Variants in SDK1 observed in about 807,000 individuals in gnomAD.
The protein encoded by SDK1 is protein sidekick-1.
Under a neutral mutation model 245.5 loss-of-function variants are expected in SDK1, and 157 were observed. The ratio of observed to expected loss-of-function variants is 0.64; its 90% CI spans 0.56 to 0.73. The LOEUF (loss-of-function observed/expected upper bound fraction) is 0.73. Ranked by LOEUF, SDK1 falls within the 30% of genes least tolerant of loss-of-function variation. The pLI is 0.00. For synonymous variants in SDK1, 1,647 were observed against 1,278.5 expected (o/e 1.29, Z -6.15); for missense variants, 3,583 against 3,002.3 (o/e 1.19, Z -4.52).
intron 35 of SDK1, among the ~76,000 whole-genome samples, chr7:4,180,671 C>T (rs769698401): frequency 6.6e-6 from 1 of 152,226 alleles, no homozygotes; most frequent in African/African-American, 2.4e-5. Flanking sequence ...GCAGGCTGCG[C>T]AGGAAGCATG....
rs886999261 is a variant in SDK1 at position 4,086,064 on chromosome 7, A to G, written c.3324+6480A>G. Among the ~76,000 whole-genome samples, 15 of 152,248 alleles carry G rather than the reference A, an allele frequency of 9.9e-5. No homozygotes were observed. In the East Asian group the frequency reaches 2.5e-3, roughly 25 times the overall value. Reference sequence around the variant, plus strand: ...TTCCTTTTTCTTTTTCTTTCTGGCAACATAAACAGCTCTGCGTATATGTGT... The same window carrying G: ...TTCCTTTTTCTTTTTCTTTCTGGCAGCATAAACAGCTCTGCGTATATGTGT... On this transcript the variant is annotated intron_variant, in intron 22 of 44. Coordinates refer to ENST00000404826, the MANE Select transcript of SDK1 (RefSeq NM_152744.4).
chr7:3,653,497 A>T (rs972865550), intron 4 of SDK1, among the ~76,000 whole-genome samples: 1 of 152,108 alleles, frequency 6.6e-6, no homozygotes, highest in African/African-American at 2.4e-5. Context: ...ACAGTGTTAG[A>T]GTAGATGGTA....
intron 41 of SDK1, 120 bp downstream of exon 41, chr7:4,233,539 G>A: frequency 1.1e-6 from 1 of 948,764 alleles, no homozygotes. Context: ...GGGGTCGAGG[G>A]GGACCCAGGG....
chr7:4,193,978 C>G (rs1226005517), intron 35 of SDK1, among the ~76,000 whole-genome samples: 1 of 152,178 alleles, frequency 6.6e-6, no homozygotes, highest in African/African-American at 2.4e-5. Context: ...TTGCATAACT[C>G]TCTAAACAAT....
intron 22 of SDK1, among the ~76,000 whole-genome samples, chr7:4,102,304 G>T (rs1782608145): frequency 6.6e-6 from 1 of 152,162 alleles, no homozygotes; most frequent in Admixed American, 6.5e-5. Flanking sequence ...ATTTGGCTGT[G>T]GTGGGCACGG....
Position 3,301,569 on chromosome 7 carries a change from G to C in SDK1, c.-18G>C, listed in dbSNP as rs1779257935. On this transcript the variant is annotated 5_prime_UTR_variant, in exon 1 of 45. Coordinates refer to ENST00000404826, the MANE Select transcript of SDK1 (RefSeq NM_152744.4). ...GCCCGTCCGTCCGGCGCGGCGCTCG[G>C]GGTGGCGGCTGCTCGGCATGGCCCG... is the stretch of plus-strand genomic sequence containing the variant. 5.4e-6 allele frequency: 5 copies of C among 922,392 alleles called. No individual in the cohort carries two copies. The South Asian group carries it at 2.4e-4, about 45-fold the overall frequency. 57.1% of individuals were successfully genotyped at this position (922,392 alleles called of 1,614,324 possible).
At chr7:3,494,969 A>C (rs1781980392) in intron 1 of SDK1, among the ~76,000 whole-genome samples, 1 of 152,206 alleles carries the variant, frequency 6.6e-6, no homozygotes, top group East Asian at 1.9e-4. Flanking sequence ...CTTATGGGTT[A>C]ACAGTTAGTG....
chr7:3,423,134 T>C (rs1333319037), intron 1 of SDK1, among the ~76,000 whole-genome samples: 1 of 152,184 alleles, frequency 6.6e-6, no homozygotes, highest in Non-Finnish European at 1.5e-5. Flanking sequence ...ATCCAGGTTG[T>C]AAAGAGAAAA....
rs138274550 is a variant in SDK1, at chr7:3,871,981, A to G, written c.847+50398A>G. Reference sequence around the variant, plus strand: ...ATATTTGGTTAAGGAAGTTCCCTTCAATTTCTCATTTTCTGGGAGTTTTTG... The same window carrying G: ...ATATTTGGTTAAGGAAGTTCCCTTCGATTTCTCATTTTCTGGGAGTTTTTG... On this transcript the variant is annotated intron_variant, in intron 5 of 44. Coordinates refer to ENST00000404826, the MANE Select transcript of SDK1 (RefSeq NM_152744.4). Among the ~76,000 whole-genome samples the G allele has an allele frequency of 2.0e-4, 31 of 152,312 alleles. No individual in the cohort carries two copies. In the East Asian group the frequency reaches 5.0e-3, roughly 25 times the overall value.
chr7:4,034,486 C>G (rs1233449000), intron 17 of SDK1, among the ~76,000 whole-genome samples: 1 of 152,142 alleles, frequency 6.6e-6, no homozygotes, highest in Non-Finnish European at 1.5e-5. Flanking sequence ...TTTTTAATGT[C>G]TTTATACAAT....
At chr7:3,556,944 TG>T (rs1224972219) in intron 1 of SDK1, among the ~76,000 whole-genome samples, 4 of 152,254 alleles carry the variant, frequency 2.6e-5, no homozygotes, top group African/African-American at 9.6e-5. Context: ...CAATATCTCA[TG>T]TACCCCTTAA....
In SDK1 at chr7:3,808,523, T is replaced by C. The variant is rs749325168; in HGVS notation, c.714-12927T>C. Among the ~76,000 whole-genome samples the C allele has an allele frequency of 4.6e-5, 7 of 152,156 alleles. 1 individual carries two copies. Among genetic ancestry groups the C allele is most frequent in the Non-Finnish European group, 5.9e-5 (4 of 68,036 alleles). On this transcript the variant is annotated intron_variant, in intron 4 of 44. Coordinates refer to ENST00000404826, the MANE Select transcript of SDK1 (RefSeq NM_152744.4). The stretch of plus-strand genomic sequence containing the variant: ...AGGTGTAAATAATGCAAGGCCTCAA[T>C]CCCAGCCCGACCTGCACCGTGAGGC...
chr7:3,333,336 G>A (rs1780117357), intron 1 of SDK1, among the ~76,000 whole-genome samples: 2 of 152,148 alleles, frequency 1.3e-5, no homozygotes, highest in South Asian at 2.1e-4. Flanking sequence ...CATACAAATG[G>A]TGTATGAAAG....
chr7:3,770,738 G>T (rs1326002672), intron 4 of SDK1, among the ~76,000 whole-genome samples: 6 of 152,136 alleles, frequency 3.9e-5, no homozygotes, highest in African/African-American at 1.4e-4. Flanking sequence ...CTGCCAGTTG[G>T]TTGATCCCTT....
chr7:4,202,893 G>T (rs1000746347), intron 35 of SDK1, among the ~76,000 whole-genome samples: 3 of 152,240 alleles, frequency 2.0e-5, no homozygotes, highest in East Asian at 1.9e-4. Context: ...GTTCACCTTG[G>T]GTCTGGTGGG....
At chr7:3,411,038 A>G (rs921816746) in intron 1 of SDK1, among the ~76,000 whole-genome samples, 3 of 152,156 alleles carry the variant, frequency 2.0e-5, no homozygotes, top group Admixed American at 1.3e-4. Flanking sequence ...ATGCTTTTAA[A>G]TCGTGTAAGA....
At chr7:4,263,551 G>C (rs1788206663) in intron 44 of SDK1, among the ~76,000 whole-genome samples, 1 of 83,482 alleles carries the variant, frequency 1.2e-5, no homozygotes, top group Non-Finnish European at 2.5e-5. Flanking sequence ...CGCCTCCTGA[G>C]TGGGGAGGCC....
intron 4 of SDK1, among the ~76,000 whole-genome samples, chr7:3,767,011 A>G (rs1166263180): frequency 6.6e-6 from 1 of 152,228 alleles, no homozygotes; most frequent in Non-Finnish European, 1.5e-5. Context: ...GCATATTAGT[A>G]ATCTTAGTAG....
chr7:3,620,425 C>T (rs1781902093), intron 2 of SDK1, among the ~76,000 whole-genome samples: 1 of 151,994 alleles, frequency 6.6e-6, no homozygotes, highest in Non-Finnish European at 1.5e-5. Flanking sequence ...GCCTCAGCCT[C>T]CCAAGTAGCT....
Sources: gnomAD v4.1 joint callset for allele counts (sites outside exome capture counted in the v4.1 genomes callset) on GRCh38, gnomAD v4.1.1 for gene constraint, MANE v1.5 for transcripts, NCBI Gene and HGNC (gene_info 2026-07-23, HGNC 2026-07-21) for gene names.